The following PIEZO2 variants were observed in gnomAD, a reference collection of about 807,000 sequenced individuals.
PIEZO2 encodes the protein piezo type mechanosensitive ion channel component 2, also known as piezo-type mechanosensitive ion channel component 2.
Under a neutral mutation model 337.3 loss-of-function variants are expected in PIEZO2, and 172 were observed. That is an observed-to-expected ratio of 0.51 (90% CI 0.45 to 0.58). The LOEUF is 0.58. PIEZO2 is among the 20% of genes least tolerant of loss of function. PIEZO2 has a pLI of 0.00. For synonymous variants in PIEZO2, 1,251 were observed against 1,228.5 expected (o/e 1.02, Z -0.38); for missense variants, 3,028 against 3,391.3 (o/e 0.89, Z 2.66).
At position 11,143,397 on chromosome 18, in the gene PIEZO2, G is replaced by A. The variant is rs902658465; in HGVS notation, c.64+5128C>T. ...CAAGAACCCAAAAGGAAAATGACAT[G>A]TTAGAAATAAAATCACATTAAATAA... is the stretch of plus-strand genomic sequence containing the variant. On this transcript the variant is annotated intron_variant, in intron 1 of 55. Coordinates refer to ENST00000674853, the MANE Select transcript of PIEZO2 (RefSeq NM_001378183.1). The surrounding 1 kb of genome is among the most constrained non-coding windows in gnomAD (Gnocchi z 4.9). Among the ~76,000 whole-genome samples, 2 of 152,096 alleles carry A rather than the reference G, an allele frequency of 1.3e-5. No individual in the cohort carries two copies. The highest frequency in any genetic ancestry group is 1.5e-5 in the Non-Finnish European group (1 of 68,012).
chr18:11,142,613 C>G (rs1004151846), intron 1 of PIEZO2, among the ~76,000 whole-genome samples: 2 of 151,956 alleles, frequency 1.3e-5, no homozygotes, highest in Non-Finnish European at 2.9e-5. Context: ...AACACCATCT[C>G]TACTAAAAAT....
In PIEZO2 at chr18:10,979,537, T is replaced by C; in HGVS notation, c.284A>G (p.Asn95Ser). Residue 95 changes from asparagine (N) to serine (S), a missense_variant and splice_region_variant, in exon 3 of 56, where the codon AAC becomes AGC. Around this residue, in one of 5 missense-constraint regions of PIEZO2, gnomAD observed 542 missense variants for 605.6 expected, o/e 0.89. Coordinates refer to ENST00000674853, the MANE Select transcript of PIEZO2 (RefSeq NM_001378183.1). The surrounding 1 kb of genome is among the most constrained non-coding windows in gnomAD (Gnocchi z 4.0). ...AAAGAAAACACCATAATACTCACAG[T>C]TGTAGCCAGGTGCAATACGATGTTG... The part of the protein sequence containing the change: ...EAQHRIAPGY[N>S]CSTWEKTFRQ... 3.3e-6 allele frequency: 5 copies of C among 1,527,444 alleles called. No homozygotes were observed. Among genetic ancestry groups the C allele is most frequent in the South Asian group, 2.4e-5 (2 of 82,698 alleles). The allele number at this position is 1,527,444 out of a possible 1,614,324, so 94.6% of individuals were successfully genotyped here.
intron 3 of PIEZO2, among the ~76,000 whole-genome samples, chr18:10,976,242 C>T (rs1232767166): frequency 6.6e-6 from 1 of 152,104 alleles, no homozygotes; most frequent in African/African-American, 2.4e-5. Context: ...TTTGTTTGTT[C>T]TTCTCTTTTA....
rs1213447428 is a variant in PIEZO2, at chr18:10,724,174, AACC to A, written c.5030-5918_5030-5916del. On this transcript the variant is annotated intron_variant, in intron 36 of 55. Transcript: ENST00000674853. This position sits in a 1 kb window ranked among gnomAD's most constrained non-coding sequence, Gnocchi z 5.8. ...GAGCTCAGGCTTAGAGGATTCCAGT[AACC>A]ACCATCTAGGTGGGTGTTTAAAACT... Among the ~76,000 whole-genome samples the A allele has an allele frequency of 6.6e-6, 1 of 152,158 alleles. No individual in the cohort carries two copies. The highest frequency in any genetic ancestry group is 2.4e-5 in the African/African-American group (1 of 41,440).
intron 7 of PIEZO2, among the ~76,000 whole-genome samples, chr18:10,811,414 G>A (rs1051525694): frequency 6.6e-6 from 1 of 152,172 alleles, no homozygotes; most frequent in African/African-American, 2.4e-5. Context: ...GGTACGGAAG[G>A]TTTTAAAGGT....
At chr18:11,076,187 T>C (rs2038538930) in intron 1 of PIEZO2, among the ~76,000 whole-genome samples, 1 of 152,226 alleles carries the variant, frequency 6.6e-6, no homozygotes. Flanking sequence ...TGCTGCAGTG[T>C]GTCAGCACAA....
At chr18:10,709,841 A>C (rs897161262) in intron 39 of PIEZO2, among the ~76,000 whole-genome samples, 1 of 152,218 alleles carries the variant, frequency 6.6e-6, no homozygotes, top group African/African-American at 2.4e-5. Context: ...CAACCAAAAT[A>C]CTCTCTAATA....
chr18:10,970,491 T>C (rs1175505383), intron 3 of PIEZO2, among the ~76,000 whole-genome samples: 1 of 152,204 alleles, frequency 6.6e-6, no homozygotes, highest in African/African-American at 2.4e-5. Context: ...AACTTAACTC[T>C]TCTGTTTTTG....
Position 10,859,638 on chromosome 18 carries a change from G to A in PIEZO2, c.493-2427C>T, listed in dbSNP as rs896149776. 1.3e-5 allele frequency among the ~76,000 whole-genome samples: 2 copies of A among 152,282 alleles called. No individual in the cohort carries two copies. Among genetic ancestry groups the A allele is most frequent in the East Asian group, 1.9e-4 (1 of 5,168 alleles). ...AAAGAAACACATCCTTTCAACCCAC[G>A]TTTGTCTCTTAAGGTGAAACACTCC... On this transcript the variant is annotated intron_variant, in intron 5 of 55. Coordinates refer to ENST00000674853, the MANE Select transcript of PIEZO2 (RefSeq NM_001378183.1). The surrounding 1 kb of genome is among the most constrained non-coding windows in gnomAD (Gnocchi z 4.9).
rs1025724641 is a variant in PIEZO2, at chr18:10,837,721, C to T, written c.917+17632G>A. On this transcript the variant is annotated intron_variant, in intron 7 of 55. Coordinates refer to ENST00000674853, the MANE Select transcript of PIEZO2 (RefSeq NM_001378183.1). This position sits in a 1 kb window ranked among gnomAD's most constrained non-coding sequence, Gnocchi z 4.4. ...TCCTCACAAAGCAATGTTTGTGTTC[C>T]CAACCATTTTATAAAATTTCCTCAT... 6.6e-6 allele frequency among the ~76,000 whole-genome samples: 1 copy of T among 152,030 alleles called. No homozygotes were observed. Among genetic ancestry groups the T allele is most frequent in the Non-Finnish European group, 1.5e-5 (1 of 68,012 alleles).
chr18:11,018,112 C>A (rs1159290885), intron 2 of PIEZO2, among the ~76,000 whole-genome samples: 3 of 151,990 alleles, frequency 2.0e-5, no homozygotes, highest in Admixed American at 2.0e-4. Flanking sequence ...CTGCCCCTTC[C>A]AGCTTTGGGT....
intron 7 of PIEZO2, among the ~76,000 whole-genome samples, chr18:10,808,442 C>T (rs1004160458): frequency 3.0e-4 from 45 of 152,274 alleles, no homozygotes; most frequent in Middle Eastern, 3.4e-3. Context: ...TTACATTCTT[C>T]AGTTATAGAA....
chr18:11,107,725 CT>C (rs1445592808), intron 1 of PIEZO2, among the ~76,000 whole-genome samples: 10 of 152,200 alleles, frequency 6.6e-5, no homozygotes, highest in South Asian at 2.1e-4. Context: ...ATTTCACCTT[CT>C]CTTTTAATAA....
rs548352476 is a variant in PIEZO2 at position 10,693,828 on chromosome 18, T to C, written c.7190+2246A>G. ...AATAGGCTTGGAAAGCGTTTTAAGGTGTCTTTCTTCTCTGAAATTAAGAGT... is the reference window on the plus strand; with the variant it reads ...AATAGGCTTGGAAAGCGTTTTAAGGCGTCTTTCTTCTCTGAAATTAAGAGT... On this transcript the variant is annotated intron_variant, in intron 47 of 55. Transcript: ENST00000674853. Among the ~76,000 whole-genome samples the C allele has an allele frequency of 5.9e-5, 9 of 152,252 alleles. No homozygotes were observed. The East Asian group carries it at 1.7e-3, about 29-fold the overall frequency.
intron 2 of PIEZO2, among the ~76,000 whole-genome samples, chr18:10,999,184 C>CAA (rs35723374): frequency 0.03 from 3,297 of 111,656 alleles, 63 homozygotes; most frequent in African/African-American, 0.059. Flanking sequence ...AAGGCAACAG[C>CAA]AAAAAAAAAA....
At position 11,033,736 on chromosome 18, in the gene PIEZO2, A is replaced by G. The variant is rs1481062107; in HGVS notation, c.160+32391T>C. Among the ~76,000 whole-genome samples the G allele has an allele frequency of 6.6e-6, 1 of 152,094 alleles. No homozygotes were observed. The highest frequency in any genetic ancestry group is 2.4e-5 in the African/African-American group (1 of 41,416). ...CAAGAGTATAAATATTGCTCTCAAA[A>G]CAGTCGCTCTCGGAGGAAGTCAAAA... On this transcript the variant is annotated intron_variant, in intron 2 of 55. Coordinates refer to ENST00000674853, the MANE Select transcript of PIEZO2 (RefSeq NM_001378183.1). This position sits in a 1 kb window ranked among gnomAD's most constrained non-coding sequence, Gnocchi z 4.2.
intron 2 of PIEZO2, among the ~76,000 whole-genome samples, chr18:11,045,698 G>A (rs1249906957): frequency 6.6e-6 from 1 of 152,208 alleles, no homozygotes; most frequent in Non-Finnish European, 1.5e-5. Flanking sequence ...AGCATTTTCA[G>A]TATTGATCTG....
In PIEZO2 at chr18:10,750,027, T is replaced by C. The variant is rs1942592463; in HGVS notation, c.4264+64A>G. 1.2e-5 allele frequency: 15 copies of C among 1,283,128 alleles called. No individual in the cohort carries two copies. The Admixed American group carries it at 1.4e-4, about 12-fold the overall frequency. 79.5% of individuals were successfully genotyped at this position (1,283,128 alleles called of 1,614,324 possible). On this transcript the variant is annotated intron_variant, in intron 29 of 55. Coordinates refer to ENST00000674853, the MANE Select transcript of PIEZO2 (RefSeq NM_001378183.1). This position sits in a 1 kb window ranked among gnomAD's most constrained non-coding sequence, Gnocchi z 4.1. ...ATGTGCTTTGGCCCACTTTTAAAAC[T>C]AGAACAATACAACTATCCTCCCTCT...
At chr18:10,996,678 G>A (rs915803050) in intron 2 of PIEZO2, among the ~76,000 whole-genome samples, 5 of 152,044 alleles carry the variant, frequency 3.3e-5, no homozygotes, top group African/African-American at 9.7e-5. Context: ...TCTTTTTATG[G>A]CTAAATATTA....
Sources: gnomAD v4.1 joint callset for allele counts (sites outside exome capture counted in the v4.1 genomes callset) on GRCh38, gnomAD v4.1.1 for gene constraint, gnomAD v4.1.1 regional missense constraint, Gnocchi (gnomAD v3.1) non-coding constraint, MANE v1.5 for transcripts, NCBI Gene and HGNC (gene_info 2026-07-23, HGNC 2026-07-21) for gene names.